Variants in SEMA6D observed in about 807,000 individuals in gnomAD.
SEMA6D encodes the protein semaphorin-6D.
A neutral mutation model predicts 106.6 loss-of-function variants in SEMA6D; 35 were observed. That is an observed-to-expected ratio of 0.33 (90% CI 0.25 to 0.44). The LOEUF (loss-of-function observed/expected upper bound fraction) is 0.44. SEMA6D is among the 20% of genes least tolerant of loss of function. The probability of loss-of-function intolerance (pLI) is 1.00; values close to 1 mark genes in which losing one functional copy is unlikely to be tolerated. For synonymous variants in SEMA6D, 499 were observed against 487.7 expected, an observed-to-expected ratio of 1.02 and a Z score of -0.31; for missense variants, 1,185 against 1,345.9, an observed-to-expected ratio of 0.88 and a Z score of 1.87.
intron 4 of SEMA6D, among the ~76,000 whole-genome samples, chr15:47,703,187 G>A (rs1912629): frequency 0.059 from 8,926 of 152,216 alleles, 359 homozygotes; most frequent in Middle Eastern, 0.13. Context: ...TATAGCAGGT[G>A]TACATGTTGT....
In SEMA6D at chr15:47,371,219, C is replaced by A. The variant is rs549565862; in HGVS notation, c.-238-41174C>A. Among the ~76,000 whole-genome samples the A allele has an allele frequency of 4.3e-4, 65 of 152,304 alleles. No individual in the cohort carries two copies. In the Middle Eastern group the frequency reaches 0.01, roughly 24 times the overall value. On this transcript the variant is annotated intron_variant, in intron 1 of 19. Coordinates refer to the SEMA6D transcript ENST00000558014. Reference sequence around the variant, plus strand: ...AGGATGGCATTTTGGAGACATTTTGCTGTCCATTGTAATGCTCATTCATTA... The same window carrying A: ...AGGATGGCATTTTGGAGACATTTTGATGTCCATTGTAATGCTCATTCATTA...
chr15:47,407,388 C>CA (rs2040617013), intron 1 of SEMA6D, among the ~76,000 whole-genome samples: 1 of 79,264 alleles, frequency 1.3e-5, no homozygotes, highest in Admixed American at 1.3e-4. Context: ...AAAAAAAAAA[C>CA]CAAAACAACA....
chr15:47,721,992 C>G (rs1427656033), intron 1 of SEMA6D, among the ~76,000 whole-genome samples: 2 of 152,124 alleles, frequency 1.3e-5, no homozygotes, highest in African/African-American at 4.8e-5. Context: ...TTCTTCTATA[C>G]CACTGGCAGT....
At chr15:47,577,405 A>G (rs1246819024) in intron 3 of SEMA6D, among the ~76,000 whole-genome samples, 1 of 152,252 alleles carries the variant, frequency 6.6e-6, no homozygotes, top group Non-Finnish European at 1.5e-5. Context: ...CACTTTCAGC[A>G]AAAGATGGCA....
chr15:47,227,785 T>C (rs973449748), intron 1 of SEMA6D, among the ~76,000 whole-genome samples: 9 of 149,838 alleles, frequency 6.0e-5, no homozygotes, highest in African/African-American at 2.0e-4. Flanking sequence ...TCTAATGATA[T>C]ATGACGTTGT....
chr15:47,519,728 T>A (rs2141911447), intron 3 of SEMA6D, among the ~76,000 whole-genome samples: 1 of 152,326 alleles, frequency 6.6e-6, no homozygotes, highest in African/African-American at 2.4e-5. Context: ...GAACAATGTA[T>A]AAGGCTCTCA....
At chr15:47,623,721 G>T (rs2077152163) in intron 4 of SEMA6D, among the ~76,000 whole-genome samples, 1 of 152,016 alleles carries the variant, frequency 6.6e-6, no homozygotes, top group Non-Finnish European at 1.5e-5. Context: ...TATTTTCAAG[G>T]GCTTCTGTGA....
chr15:47,321,592 C>G (rs1314243190), intron 1 of SEMA6D, among the ~76,000 whole-genome samples: 1 of 151,906 alleles, frequency 6.6e-6, no homozygotes, highest in Non-Finnish European at 1.5e-5. Context: ...AAGAAATGAT[C>G]CCATAGTACA....
intron 3 of SEMA6D, among the ~76,000 whole-genome samples, chr15:47,583,225 T>C (rs999887969): frequency 2.0e-5 from 3 of 152,170 alleles, no homozygotes; most frequent in Admixed American, 2.0e-4. Flanking sequence ...TCTAGACCTT[T>C]TGTAGAAACT....
chr15:47,200,852 A>G (rs1024838690), intron 1 of SEMA6D, among the ~76,000 whole-genome samples: 10 of 152,220 alleles, frequency 6.6e-5, no homozygotes, highest in African/African-American at 2.4e-4. Flanking sequence ...GCTGGTTTCT[A>G]TGCTTGACAA....
intron 3 of SEMA6D, among the ~76,000 whole-genome samples, chr15:47,573,293 T>C (rs1316741225): frequency 6.7e-6 from 1 of 149,826 alleles, no homozygotes; most frequent in Non-Finnish European, 1.5e-5. Context: ...ACAAAGTGTT[T>C]ATTCTCCAAA....
intron 3 of SEMA6D, among the ~76,000 whole-genome samples, chr15:47,504,807 C>T (rs2043982752): frequency 6.6e-6 from 1 of 152,148 alleles, no homozygotes; most frequent in South Asian, 2.1e-4. Context: ...AATTTGGACA[C>T]TCAGATTCTT....
intron 1 of SEMA6D, among the ~76,000 whole-genome samples, chr15:47,216,720 A>G (rs2030653249): frequency 6.6e-6 from 1 of 152,198 alleles, no homozygotes; most frequent in South Asian, 2.1e-4. Flanking sequence ...CTTGAAAAAT[A>G]CAAACAATTC....
chr15:47,603,557 G>C (rs1421663024), intron 4 of SEMA6D: 1 of 152,036 alleles, frequency 6.6e-6, no homozygotes, highest in Non-Finnish European at 1.5e-5. Context: ...TTCCTCATCT[G>C]TAAAATAAAG....
intron 3 of SEMA6D, among the ~76,000 whole-genome samples, chr15:47,518,657 GATATACCT>G (rs2044469308): frequency 6.6e-6 from 1 of 152,170 alleles, no homozygotes; most frequent in African/African-American, 2.4e-5. Context: ...GATAAAAAAT[GATATACCT>G]ATATAGGACA....
intron 1 of SEMA6D, among the ~76,000 whole-genome samples, chr15:47,199,186 A>G (rs1894551867): frequency 6.6e-6 from 1 of 152,174 alleles, no homozygotes; most frequent in African/African-American, 2.4e-5. Flanking sequence ...CAAATGTGTT[A>G]GGATAGTTAA....
At chr15:47,681,277 G>A (rs2078347841) in intron 4 of SEMA6D, among the ~76,000 whole-genome samples, 1 of 152,194 alleles carries the variant, frequency 6.6e-6, no homozygotes, top group Non-Finnish European at 1.5e-5. Context: ...TACAAGGAAG[G>A]AGATCCTGTC....
intron 3 of SEMA6D, among the ~76,000 whole-genome samples, chr15:47,476,894 C>CA (rs1186140504): frequency 6.6e-6 from 1 of 152,082 alleles, no homozygotes; most frequent in Non-Finnish European, 1.5e-5. Context: ...ATCTTTCATC[C>CA]AAAAATGTGT....
chr15:47,395,027 T>C (rs1186071025), intron 1 of SEMA6D, among the ~76,000 whole-genome samples: 8 of 152,056 alleles, frequency 5.3e-5, no homozygotes, highest in Non-Finnish European at 8.8e-5. Flanking sequence ...TCCCCAAATA[T>C]ATGCAGCTTT....
Sources: allele counts gnomAD v4.1 joint callset (sites outside exome capture counted in the v4.1 genomes callset), GRCh38; gene constraint gnomAD v4.1.1; transcripts MANE v1.5; gene names NCBI Gene and HGNC (gene_info 2026-07-23, HGNC 2026-07-21).